Variants in CSMD3 observed in about 807,000 individuals in gnomAD.
CSMD3 encodes CUB and sushi domain-containing protein 3.
A neutral mutation model predicts 435.2 loss-of-function variants in CSMD3; 177 were observed. The ratio of observed to expected loss-of-function variants is 0.41; its 90% confidence interval spans 0.36 to 0.46. The LOEUF is 0.46. Among genes scored for constraint, CSMD3 ranks in the 20% least tolerant of loss-of-function variants. CSMD3 has a pLI of 0.34. For synonymous variants in CSMD3, 1,656 were observed against 1,520.5 expected, an observed-to-expected ratio of 1.09 and a Z score of -2.07; for missense variants, 4,265 against 4,504.6, an observed-to-expected ratio of 0.95 and a Z score of 1.52.
At chr8:112,705,760 G>T (rs1013896437) in intron 13 of CSMD3, among the ~76,000 whole-genome samples, 2 of 151,908 alleles carry the variant, frequency 1.3e-5, no homozygotes, top group Non-Finnish European at 2.9e-5. Context: ...ATAAAAAATG[G>T]ACTATACTCT....
At chr8:112,704,126 A>C (rs2076448713) in intron 13 of CSMD3, among the ~76,000 whole-genome samples, 1 of 152,016 alleles carries the variant, frequency 6.6e-6, no homozygotes, top group South Asian at 2.1e-4. Context: ...AGACACTCTA[A>C]AAAATACATA....
At chr8:112,953,685 AT>A (rs1420017784) in intron 8 of CSMD3, among the ~76,000 whole-genome samples, 1 of 151,410 alleles carries the variant, frequency 6.6e-6, no homozygotes, top group African/African-American at 2.4e-5. Flanking sequence ...TAACTGCTCA[AT>A]TTTTGTCAAT....
intron 4 of CSMD3, among the ~76,000 whole-genome samples, chr8:113,150,279 T>C (rs1174251393): frequency 2.0e-5 from 3 of 151,956 alleles, no homozygotes; most frequent in Non-Finnish European, 4.4e-5. Context: ...CAACTGACTT[T>C]AAATTTAGGA....
At chr8:113,262,267 A>G (rs573415346) in intron 3 of CSMD3, among the ~76,000 whole-genome samples, 1 of 152,236 alleles carries the variant, frequency 6.6e-6, no homozygotes, top group East Asian at 1.9e-4. Context: ...GAAAAATATG[A>G]AGAATACATT....
Position 113,138,689 on chromosome 8 carries a change from G to T in CSMD3, c.709+35033C>A, listed in dbSNP as rs1031089382. Among the ~76,000 whole-genome samples, 4 of 151,266 alleles carry T rather than the reference G, an allele frequency of 2.6e-5. No homozygotes were observed. The East Asian group carries it at 7.8e-4, about 29-fold the overall frequency. ...GATGGGATTTCAGATACAGGCAAAAGAAGACATTTTACTGTGAGAGACAGC... is the reference window on the plus strand; with the variant it reads ...GATGGGATTTCAGATACAGGCAAAATAAGACATTTTACTGTGAGAGACAGC... On this transcript the variant is annotated intron_variant, in intron 4 of 70. Coordinates refer to ENST00000297405, the MANE Select transcript of CSMD3 (RefSeq NM_198123.2).
intron 3 of CSMD3, among the ~76,000 whole-genome samples, chr8:113,205,740 T>C (rs529300430): frequency 3.3e-5 from 5 of 152,180 alleles, no homozygotes; most frequent in Non-Finnish European, 5.9e-5. Flanking sequence ...ACCTCCCTCC[T>C]GTAAGGAAAC....
chr8:113,170,294 A>T (rs201968360), intron 4 of CSMD3, among the ~76,000 whole-genome samples: 1 of 19,122 alleles, frequency 5.2e-5, no homozygotes, highest in Admixed American at 1.1e-3. Flanking sequence ...AGTTTTAATG[A>T]AAAAAATTGG....
At chr8:112,281,975 CTT>C (rs1275163015) in intron 58 of CSMD3, among the ~76,000 whole-genome samples, 2 of 151,922 alleles carry the variant, frequency 1.3e-5, no homozygotes. Context: ...ACACGAATGT[CTT>C]TTTATGATTA....
Position 112,291,677 on chromosome 8 carries a change from G to A in CSMD3, c.8807C>T (p.Pro2936Leu), listed in dbSNP as rs1247399565. The A allele has an allele frequency of 6.2e-7, 1 of 1,611,862 alleles. No individual in the cohort carries two copies. Among genetic ancestry groups the A allele is most frequent in the East Asian group, 2.2e-5 (1 of 44,698 alleles). Reference protein sequence around the residue: ...PMCKVVNCSDPGIPANSKRES... With the variant: ...PMCKVVNCSDLGIPANSKRES... ...TCTTTTAGAATTGGCTGGAATTCCA[G>A]GATCAGAACAGTTGACCACTAAACA... is the stretch of plus-strand genomic sequence containing the variant. Residue 2936 changes from proline (P) to leucine (L), a missense_variant, in exon 56 of 71, where the codon CCT (proline) becomes CTT (leucine). Coordinates refer to ENST00000297405, the MANE Select transcript of CSMD3 (RefSeq NM_198123.2).
chr8:113,276,703 G>C (rs2093573497), intron 3 of CSMD3, among the ~76,000 whole-genome samples: 1 of 151,958 alleles, frequency 6.6e-6, no homozygotes, highest in Non-Finnish European at 1.5e-5. Context: ...AACTGAGATA[G>C]TTTTTTAAGA....
intron 16 of CSMD3, among the ~76,000 whole-genome samples, chr8:112,680,319 C>T (rs775518421): frequency 3.3e-5 from 5 of 152,154 alleles, no homozygotes; most frequent in Non-Finnish European, 5.9e-5. Context: ...AATGGTGCCA[C>T]TGCTCTCCAG....
intron 2 of CSMD3, among the ~76,000 whole-genome samples, chr8:113,303,544 G>A (rs1037309280): frequency 2.0e-5 from 3 of 149,192 alleles, no homozygotes; most frequent in Non-Finnish European, 4.5e-5. Context: ...AAACAGCATG[G>A]TACTGGTACC....
At chr8:113,344,978 A>G (rs1486237310) in intron 1 of CSMD3, among the ~76,000 whole-genome samples, 1 of 152,094 alleles carries the variant, frequency 6.6e-6, no homozygotes, top group African/African-American at 2.4e-5. Flanking sequence ...TACAGATTTC[A>G]TAAGTCATGT....
At chr8:112,970,725 CT>C (rs761315288) in intron 7 of CSMD3, among the ~76,000 whole-genome samples, 422 of 138,528 alleles carry the variant, frequency 3.0e-3, no homozygotes, top group Admixed American at 5.1e-3. Context: ...GCTTTCTTTT[CT>C]TTTTTTTTTT....
At chr8:112,343,017 T>TATATATATTTA (rs1563815796) in intron 41 of CSMD3, among the ~76,000 whole-genome samples, 4 of 52,558 alleles carry the variant, frequency 7.6e-5, no homozygotes, top group African/African-American at 2.0e-4. Context: ...ATATATATAT[T>TATATATATTTA]TATATATATA....
chr8:112,645,420 G>A (rs1046917813), intron 19 of CSMD3, among the ~76,000 whole-genome samples, 195 bp from the exon 20 acceptor site: 1 of 152,154 alleles, frequency 6.6e-6, no homozygotes, highest in African/African-American at 2.4e-5. Flanking sequence ...CAGTCCCCAA[G>A]AGAACATGGC....
intron 11 of CSMD3, among the ~76,000 whole-genome samples, chr8:112,853,503 G>A (rs571038916): frequency 2.6e-5 from 4 of 152,258 alleles, no homozygotes; most frequent in African/African-American, 4.8e-5. Flanking sequence ...TTGGATTACC[G>A]GTGTGAGCCA....
intron 32 of CSMD3, among the ~76,000 whole-genome samples, chr8:112,468,169 C>T (rs1818142548): frequency 6.7e-6 from 1 of 150,004 alleles, no homozygotes; most frequent in African/African-American, 2.4e-5. Flanking sequence ...CAAATTATTT[C>T]TTCTGAATTA....
At chr8:112,466,042 T>C (rs2130711940) in intron 32 of CSMD3, among the ~76,000 whole-genome samples, 1 of 152,064 alleles carries the variant, frequency 6.6e-6, no homozygotes, top group African/African-American at 2.4e-5. Flanking sequence ...TGACAAATAG[T>C]AAACGCAAGT....
Sources: gnomAD v4.1 joint callset for allele counts (sites outside exome capture counted in the v4.1 genomes callset) on GRCh38, gnomAD v4.1.1 for gene constraint, MANE v1.5 for transcripts, NCBI Gene and HGNC (gene_info 2026-07-23, HGNC 2026-07-21) for gene names.